Variants in FOXP1 observed in about 807,000 individuals in gnomAD.
FOXP1 encodes forkhead box P1, also known as forkhead box protein P1.
A neutral mutation model predicts 98.2 loss-of-function variants in FOXP1; 15 were observed. The observed-to-expected ratio is 0.15, with a 90% CI of 0.10 to 0.24. The LOEUF (loss-of-function observed/expected upper bound fraction) is 0.24. FOXP1 is among the 10% of genes least tolerant of loss of function. The pLI is 1.00. For synonymous variants in FOXP1, 371 were observed against 314.5 expected, an observed-to-expected ratio of 1.18 and a Z score of -1.90; for missense variants, 633 against 848.5, an observed-to-expected ratio of 0.75 and a Z score of 3.15.
chr3:71,425,498 G>A (rs974850297), intron 3 of FOXP1, among the ~76,000 whole-genome samples: 3 of 152,110 alleles, frequency 2.0e-5, no homozygotes, highest in African/African-American at 7.2e-5. Flanking sequence ...GGAGGGTGGG[G>A]AGGGGAGACC....
chr3:71,583,954 C>G (rs1474143651), upstream of FOXP1: 8 of 983,514 alleles, frequency 8.1e-6, no homozygotes, highest in African/African-American at 1.8e-5. Flanking sequence ...GCGGCTCCCT[C>G]TTTGCCGTTC....
At chr3:71,551,799 T>C (rs2045800264) in intron 2 of FOXP1, among the ~76,000 whole-genome samples, 1 of 152,220 alleles carries the variant, frequency 6.6e-6, no homozygotes, top group South Asian at 2.1e-4. Context: ...CTACCATCTA[T>C]GATCGGGCTT....
intron 2 of FOXP1, among the ~76,000 whole-genome samples, chr3:71,540,513 A>G (rs1293825696): frequency 6.6e-6 from 1 of 152,258 alleles, no homozygotes; most frequent in Non-Finnish European, 1.5e-5. Flanking sequence ...ATCAATTAAA[A>G]TAATAAACTT....
intron 4 of FOXP1, among the ~76,000 whole-genome samples, chr3:71,343,438 A>G (rs915984851): frequency 1.3e-5 from 2 of 152,114 alleles, no homozygotes; most frequent in African/African-American, 4.8e-5. Context: ...TCTTACACCA[A>G]TATCTAAGAA....
intron 3 of FOXP1, among the ~76,000 whole-genome samples, chr3:71,385,786 G>C (rs1022871963): frequency 6.6e-6 from 1 of 152,018 alleles, no homozygotes; most frequent in Non-Finnish European, 1.5e-5. Flanking sequence ...TTATATCGTG[G>C]TCTCCTTCTC....
intron 5 of FOXP1, among the ~76,000 whole-genome samples, chr3:71,276,516 T>G (rs2070906917): frequency 6.6e-6 from 1 of 152,196 alleles, no homozygotes; most frequent in Non-Finnish European, 1.5e-5. Flanking sequence ...GAAATCTAGG[T>G]GGCATCATTA....
At chr3:71,266,004 C>T (rs774289341) in intron 5 of FOXP1, among the ~76,000 whole-genome samples, 1 of 152,128 alleles carries the variant, frequency 6.6e-6, no homozygotes, top group Non-Finnish European at 1.5e-5. Flanking sequence ...GCACACAGTG[C>T]GGGAATGGTG....
chr3:71,461,702 G>A (rs937046810), intron 3 of FOXP1, among the ~76,000 whole-genome samples: 17 of 152,110 alleles, frequency 1.1e-4, no homozygotes, highest in Non-Finnish European at 2.1e-4. Context: ...TCAGGAGGCT[G>A]AGGCAGAGAA....
intron 4 of FOXP1, among the ~76,000 whole-genome samples, chr3:71,319,503 A>G (rs1253530642): frequency 6.6e-6 from 1 of 152,184 alleles, no homozygotes; most frequent in Non-Finnish European, 1.5e-5. Flanking sequence ...GTGTGACTTT[A>G]TAATCTCTGT....
At chr3:71,482,729 T>A (rs1033119133) in intron 3 of FOXP1, among the ~76,000 whole-genome samples, 8 of 152,212 alleles carry the variant, frequency 5.3e-5, no homozygotes, top group Non-Finnish European at 8.8e-5. Context: ...AATTTTTTTT[T>A]AAATTTTCTG....
chr3:71,500,017 G>C (rs1002412758), intron 2 of FOXP1, among the ~76,000 whole-genome samples: 3 of 152,112 alleles, frequency 2.0e-5, no homozygotes, highest in African/African-American at 4.8e-5. Context: ...GGTAAAAAAC[G>C]GTCACCAGAT....
intron 7 of FOXP1, among the ~76,000 whole-genome samples, chr3:71,063,945 A>AG (rs979592637): frequency 3.9e-5 from 6 of 152,160 alleles, no homozygotes; most frequent in East Asian, 1.9e-4. Flanking sequence ...TGGGGAGGAG[A>AG]GGGGTAAAAA....
intron 11 of FOXP1, 92 bp from the exon 12 acceptor site, chr3:71,015,745 T>C (rs2044368038): frequency 1.3e-6 from 1 of 777,342 alleles, no homozygotes. Context: ...GGAGCCCACA[T>C]GGCCAAATGT....
chr3:71,430,556 G>A (rs1369824991), intron 3 of FOXP1, among the ~76,000 whole-genome samples: 1 of 151,456 alleles, frequency 6.6e-6, no homozygotes, highest in Admixed American at 6.6e-5. Context: ...TTCACTTACA[G>A]TAGGGTCCAT....
intron 11 of FOXP1, among the ~76,000 whole-genome samples, chr3:71,027,893 T>G (rs951063172): frequency 3.3e-5 from 5 of 152,218 alleles, no homozygotes; most frequent in African/African-American, 1.2e-4. Context: ...TCACTGGCAT[T>G]GACTGCAACT....
intron 3 of FOXP1, among the ~76,000 whole-genome samples, chr3:71,487,302 C>T (rs2090730422): frequency 1.3e-5 from 2 of 152,206 alleles, no homozygotes; most frequent in African/African-American, 4.8e-5. Flanking sequence ...TCAAGCAATC[C>T]TCCCACCTTG....
chr3:71,337,717 G>A (rs1163341343), intron 4 of FOXP1, among the ~76,000 whole-genome samples: 1 of 152,132 alleles, frequency 6.6e-6, no homozygotes, highest in Non-Finnish European at 1.5e-5. Flanking sequence ...GCTGGTACAT[G>A]GTAGCAAAAA....
At chr3:70,963,340 C>T (rs554941170) in intron 20 of FOXP1, among the ~76,000 whole-genome samples, 10 of 152,274 alleles carry the variant, frequency 6.6e-5, no homozygotes, top group Middle Eastern at 3.4e-3. Context: ...TTCTTGATGC[C>T]GGCAGATACC....
chr3:71,304,607 T>A (rs746538394), intron 4 of FOXP1: 1 of 152,252 alleles, frequency 6.6e-6, no homozygotes, highest in African/African-American at 2.4e-5. Context: ...GAAGGTGCTC[T>A]GACGGAGTTA....
Sources: allele counts gnomAD v4.1 joint callset (sites outside exome capture counted in the v4.1 genomes callset), GRCh38; gene constraint gnomAD v4.1.1; transcripts MANE v1.5; gene names NCBI Gene and HGNC (gene_info 2026-07-23, HGNC 2026-07-21).